Variants in SMARCA2 observed in about 807,000 individuals in gnomAD.
SMARCA2 encodes SWI/SNF related BAF chromatin remodeling complex subunit ATPase 2, also known as SWI/SNF-related matrix-associated actin-dependent regulator of chromatin subfamily A member 2.
In SMARCA2, 61 loss-of-function variants were observed where a neutral mutation model predicts 199.8. That is an observed-to-expected ratio of 0.31 (90% CI 0.25 to 0.38). The LOEUF (loss-of-function observed/expected upper bound fraction) is 0.38, where lower values mean the gene tolerates loss of function less well. Among genes scored for constraint, SMARCA2 ranks in the 10% least tolerant of loss-of-function variants. SMARCA2 has a pLI of 1.00. For synonymous variants in SMARCA2, 935 were observed against 732.0 expected, an observed-to-expected ratio of 1.28 and a Z score of -4.48; for missense variants, 1,344 against 2,012.2, an observed-to-expected ratio of 0.67 and a Z score of 6.35.
chr9:2,168,834 G>T (rs974994534), intron 28 of SMARCA2, among the ~76,000 whole-genome samples: 77 of 152,160 alleles, frequency 5.1e-4, no homozygotes, highest in African/African-American at 1.6e-3. Context: ...AAATTATTCT[G>T]CTGGGATCTT....
chr9:2,073,437 T>C (rs1563749872), intron 11 of SMARCA2, 95 bp downstream of exon 11: 2 of 1,532,820 alleles, frequency 1.3e-6, no homozygotes, highest in East Asian at 4.5e-5. Context: ...CAGCCTTTGC[T>C]GAGATGGTTG....
At chr9:2,021,501 G>A (rs1818597651) in intron 1 of SMARCA2, among the ~76,000 whole-genome samples, 1 of 152,124 alleles carries the variant, frequency 6.6e-6, no homozygotes, top group Admixed American at 6.6e-5. Flanking sequence ...GTATATTTCA[G>A]TTTTTACCAT....
intron 27 of SMARCA2, chr9:2,158,104 A>C (rs1242478802): frequency 3.1e-6 from 1 of 317,798 alleles, no homozygotes; most frequent in African/African-American, 2.2e-5. Context: ...ACCCTGAGTC[A>C]TGAAAAACAT....
chr9:2,180,234 A>G (rs756641239), intron 29 of SMARCA2, among the ~76,000 whole-genome samples: 8 of 152,144 alleles, frequency 5.3e-5, no homozygotes, highest in African/African-American at 1.2e-4. Context: ...CCATATGTGC[A>G]TTAAAAAAAT....
chr9:2,116,892 C>A (rs1027094944), intron 25 of SMARCA2, among the ~76,000 whole-genome samples: 1 of 152,150 alleles, frequency 6.6e-6, no homozygotes, highest in Non-Finnish European at 1.5e-5. Flanking sequence ...CTTACATATT[C>A]ATGTGGAATA....
At chr9:2,055,558 G>A (rs1820315880) in intron 6 of SMARCA2, 1 of 152,228 alleles carries the variant, frequency 6.6e-6, no homozygotes, top group Non-Finnish European at 1.5e-5. Context: ...TAGTTTGGAA[G>A]TATTGACTTG....
chr9:2,176,896 A>G (rs577595411), intron 29 of SMARCA2, among the ~76,000 whole-genome samples: 1 of 152,160 alleles, frequency 6.6e-6, no homozygotes, highest in East Asian at 1.9e-4. Flanking sequence ...CCATGACCCA[A>G]ACAAGTCTAC....
Position 2,124,000 on chromosome 9 carries a change from C to A in SMARCA2, c.3981+63C>A. 2.2e-6 allele frequency: 3 copies of A among 1,339,496 alleles called. No homozygotes were observed. Among genetic ancestry groups the A allele is most frequent in the Admixed American group, 2.0e-5 (1 of 50,720 alleles). 83.0% of individuals were successfully genotyped at this position (1,339,496 alleles called of 1,614,324 possible). ...AGGGTTTTTGGTGGCTTGGAGAAAC[C>A]AGGGGCCTAGAGCTGGGATTTTCTG... is the stretch of plus-strand genomic sequence containing the variant. On this transcript the variant is annotated intron_variant, in intron 27 of 33. Transcript: ENST00000349721. This position sits in a 1 kb window ranked among gnomAD's most constrained non-coding sequence, Gnocchi z 4.1.
At chr9:2,044,111 G>A (rs1330335919) in intron 4 of SMARCA2, 1 of 152,306 alleles carries the variant, frequency 6.6e-6, no homozygotes, top group Non-Finnish European at 1.5e-5. Context: ...TAAGCCGCCT[G>A]AGGGACAGAC....
At chr9:2,187,450 T>C (rs916495079) in intron 32 of SMARCA2, among the ~76,000 whole-genome samples, 1 of 152,140 alleles carries the variant, frequency 6.6e-6, no homozygotes, top group East Asian at 1.9e-4. Context: ...GGCAGAAGGA[T>C]AGCTTGAGGC....
intron 1 of SMARCA2, 93 bp downstream of exon 1, chr9:2,015,497 C>T (rs1011987511): frequency 3.9e-5 from 6 of 152,614 alleles, no homozygotes; most frequent in Non-Finnish European, 7.3e-5. Flanking sequence ...ACCACGCCGC[C>T]TTCGCCCGGG....
chr9:2,105,499 C>G (rs1248348245), intron 23 of SMARCA2, among the ~76,000 whole-genome samples: 1 of 152,120 alleles, frequency 6.6e-6, no homozygotes, highest in Non-Finnish European at 1.5e-5. Context: ...AGTGATCCAC[C>G]TGCCTCGGCC....
intron 27 of SMARCA2, chr9:2,158,820 G>T (rs1825512847): frequency 1.2e-6 from 1 of 808,276 alleles, no homozygotes; most frequent in Non-Finnish European, 1.9e-6. Context: ...AAAGCATTGG[G>T]AAGTGTTTAG....
At chr9:2,088,377 C>A in intron 18 of SMARCA2, 123 bp from the exon 19 acceptor site, 1 of 1,124,370 alleles carries the variant, frequency 8.9e-7, no homozygotes, top group Non-Finnish European at 1.2e-6. Context: ...CAGGCTTAAA[C>A]TTGGCTTTAA....
In SMARCA2 at chr9:2,076,275, T is replaced by G. The variant is rs1471223343; in HGVS notation, c.1982T>G (p.Leu661Arg). Residue 661 changes from leucine to arginine, a missense_variant, in exon 13 of 34, where the codon CTC becomes CGC. Physicochemically the swap from Leu to Arg is moderately radical, Grantham distance 102. Around this residue, in one of 18 missense-constraint regions of SMARCA2, gnomAD observed 106 missense variants for 179.7 expected, o/e 0.59. Transcript: ENST00000349721. ...AGGCAGGAAACCGAAGAGAAAATAC[T>G]CCTGGATCCAAATAGCGAAGAAGTT... ...SSRQETEEKI[L>R]LDPNSEEVSE... The G allele has an allele frequency of 6.2e-7, 1 of 1,613,078 alleles. No individual in the cohort carries two copies.
intron 29 of SMARCA2, among the ~76,000 whole-genome samples, chr9:2,174,560 A>T (rs953690717): frequency 6.6e-6 from 1 of 152,152 alleles, no homozygotes; most frequent in Non-Finnish European, 1.5e-5. Flanking sequence ...TGTCTGCAGA[A>T]GCTTTGTGCT....
Position 2,077,639 on chromosome 9 carries a change from C to G in SMARCA2, c.2047C>G (p.Gln683Glu), listed in dbSNP as rs1821385394. ...DAKQIIETAKQDVDDEYSMQY... is the reference protein window; with the variant it reads ...DAKQIIETAKEDVDDEYSMQY... ...TTTTTCCTTTCCCAGGACAGCTAAG[C>G]AAGACGTGGATGATGAATACAGCAT... is the stretch of plus-strand genomic sequence containing the variant. Residue 683 changes from glutamine to glutamate, a missense_variant, in exon 14 of 34, where the codon CAA (glutamine) becomes GAA (glutamate). This residue lies in a region of SMARCA2 where 106 missense variants were observed against 179.7 expected (regional missense o/e 0.59). Coordinates refer to ENST00000349721, the MANE Select transcript of SMARCA2 (RefSeq NM_003070.5). 1 of 1,613,628 alleles carries G rather than the reference C, an allele frequency of 6.2e-7. No individual in the cohort carries two copies. Among genetic ancestry groups the G allele is most frequent in the South Asian group, 1.1e-5 (1 of 91,060 alleles).
At chr9:2,108,216 A>C (rs1822846738) in intron 23 of SMARCA2, among the ~76,000 whole-genome samples, 2 of 152,196 alleles carry the variant, frequency 1.3e-5, no homozygotes, top group African/African-American at 4.8e-5. Context: ...TTTGAACTGG[A>C]CAGAGCTGGC....
chr9:2,036,747 G>T (rs909907166), intron 3 of SMARCA2, among the ~76,000 whole-genome samples: 4 of 152,094 alleles, frequency 2.6e-5, no homozygotes, highest in Non-Finnish European at 5.9e-5. Context: ...GATCAAATTT[G>T]AGGTAGGAAT....
Sources: gnomAD v4.1 joint callset for allele counts (sites outside exome capture counted in the v4.1 genomes callset) on GRCh38, gnomAD v4.1.1 for gene constraint, gnomAD v4.1.1 regional missense constraint, Gnocchi (gnomAD v3.1) non-coding constraint, MANE v1.5 for transcripts, NCBI Gene and HGNC (gene_info 2026-07-23, HGNC 2026-07-21) for gene names.